RBMS1: variants seen among roughly 807,000 people sequenced by gnomAD.
The protein encoded by RBMS1 is RNA-binding motif, single-stranded-interacting protein 1.
A neutral mutation model predicts 62.3 loss-of-function variants in RBMS1; 17 were observed. The ratio of observed to expected loss-of-function variants is 0.27; its 90% confidence interval spans 0.19 to 0.41. The LOEUF is 0.41. Ranked by LOEUF, RBMS1 falls within the 10% of genes least tolerant of loss-of-function variation. The pLI is 1.00. For missense variants in RBMS1, 334 were observed against 504.5 expected, an observed-to-expected ratio of 0.66 and a Z score of 3.24; for synonymous variants, 172 against 170.0, an observed-to-expected ratio of 1.01 and a Z score of -0.09.
rs536294763 is a variant in RBMS1 at position 160,351,678 on chromosome 2, T to C, written c.251+15538A>G. Among the ~76,000 whole-genome samples, 5 of 152,278 alleles carry C rather than the reference T, an allele frequency of 3.3e-5. No individual in the cohort carries two copies. The East Asian group carries it at 7.7e-4, about 24-fold the overall frequency. The stretch of plus-strand genomic sequence containing the variant: ...TGTTTACTGACAGTCCAGGAAACTG[T>C]TGTGCATCCACTAATTTCTTTGCAG... On this transcript the variant is annotated intron_variant, in intron 2 of 13. Coordinates refer to ENST00000348849, the MANE Select transcript of RBMS1 (RefSeq NM_016836.4).
At chr2:160,431,119 T>A (rs1412549365) in intron 1 of RBMS1, among the ~76,000 whole-genome samples, 2 of 144,178 alleles carry the variant, frequency 1.4e-5, no homozygotes, top group Non-Finnish European at 3.1e-5. Flanking sequence ...TGGCCTGGGT[T>A]ACCTAGGCAA....
intron 1 of RBMS1, among the ~76,000 whole-genome samples, chr2:160,388,424 T>G (rs1380530469): frequency 2.0e-5 from 3 of 152,092 alleles, no homozygotes; most frequent in Non-Finnish European, 4.4e-5. Flanking sequence ...GGTGGTACGG[T>G]GAGGGGTAAA....
At chr2:160,303,613 AC>A (rs1689332121) in intron 4 of RBMS1, 126 bp from the exon 5 acceptor site, 1 of 997,098 alleles carries the variant, frequency 1.0e-6, no homozygotes. Context: ...ACCTCAGAAC[AC>A]CAAAGTCACC....
At chr2:160,294,238 TAAGAA>T (rs754537423) in intron 6 of RBMS1, among the ~76,000 whole-genome samples, 12 of 152,288 alleles carry the variant, frequency 7.9e-5, no homozygotes, top group Non-Finnish European at 1.3e-4. Context: ...ACATCTGCTA[TAAGAA>T]AAGATAAAGC....
intron 1 of RBMS1, among the ~76,000 whole-genome samples, chr2:160,372,580 T>C (rs986426116): frequency 6.6e-6 from 1 of 152,212 alleles, no homozygotes; most frequent in African/African-American, 2.4e-5. Flanking sequence ...CCAGTTCCTC[T>C]CTGTATGCTT....
intron 1 of RBMS1, among the ~76,000 whole-genome samples, chr2:160,438,341 AG>A (rs1683207200): frequency 6.7e-6 from 1 of 149,218 alleles, no homozygotes; most frequent in Non-Finnish European, 1.5e-5. Flanking sequence ...ACAATAGTGG[AG>A]GGAAGGTCAG....
chr2:160,473,050 G>T (rs1176732150), intron 1 of RBMS1, among the ~76,000 whole-genome samples: 1 of 152,180 alleles, frequency 6.6e-6, no homozygotes, highest in African/African-American at 2.4e-5. Context: ...ATTGTATAAG[G>T]TCTGTAAGTT....
intron 1 of RBMS1, among the ~76,000 whole-genome samples, chr2:160,391,021 C>T (rs1045782206): frequency 2.6e-5 from 4 of 151,820 alleles, no homozygotes; most frequent in Admixed American, 6.6e-5. Flanking sequence ...GGTCCAACAA[C>T]GTGCCCAGTT....
chr2:160,423,660 G>A (rs1171237403), intron 1 of RBMS1, among the ~76,000 whole-genome samples: 1 of 151,954 alleles, frequency 6.6e-6, no homozygotes, highest in African/African-American at 2.4e-5. Context: ...TCTTTTCCAC[G>A]TATGATCTCA....
At chr2:160,336,410 T>C (rs990809267) in intron 2 of RBMS1, among the ~76,000 whole-genome samples, 2 of 152,114 alleles carry the variant, frequency 1.3e-5, no homozygotes, top group African/African-American at 4.8e-5. Flanking sequence ...AACCCATGCC[T>C]CTAAGAAAGA....
At chr2:160,460,180 G>A (rs1449974856) in intron 1 of RBMS1, among the ~76,000 whole-genome samples, 1 of 152,136 alleles carries the variant, frequency 6.6e-6, no homozygotes, top group Non-Finnish European at 1.5e-5. Context: ...ACTTTGAAGA[G>A]GCATCTGCTT....
At chr2:160,390,681 C>T (rs1694814497) in intron 1 of RBMS1, among the ~76,000 whole-genome samples, 1 of 137,072 alleles carries the variant, frequency 7.3e-6, no homozygotes, top group Admixed American at 7.6e-5. Context: ...GGGCTGAGAC[C>T]CAGTCTCAAA....
chr2:160,370,432 A>G (rs1333002823), intron 1 of RBMS1, among the ~76,000 whole-genome samples: 8 of 152,214 alleles, frequency 5.3e-5, no homozygotes, highest in Non-Finnish European at 8.8e-5. Flanking sequence ...CAGGAGTTCG[A>G]GACCAGCCTG....
chr2:160,450,813 CCTTA>C (rs1248096180), intron 1 of RBMS1, among the ~76,000 whole-genome samples: 5 of 152,042 alleles, frequency 3.3e-5, no homozygotes, highest in Non-Finnish European at 5.9e-5. Context: ...GACTTAAATA[CCTTA>C]CTTAATACTG....
At position 160,312,832 on chromosome 2, in the gene RBMS1, A is replaced by C. The variant is rs1169022395; in HGVS notation, c.402+324T>G. On this transcript the variant is annotated intron_variant, in intron 4 of 13. Transcript: ENST00000348849. ...TTGACATTTAAATTTAAAAAAAAAA[A>C]AAACAGTACAGATCTTAAAGACTCA... 2.6e-5 allele frequency among the ~76,000 whole-genome samples: 4 copies of C among 152,194 alleles called. No individual in the cohort carries two copies. The East Asian group carries it at 7.7e-4, about 29-fold the overall frequency.
At chr2:160,292,566 G>A (rs1186394499) in intron 6 of RBMS1, among the ~76,000 whole-genome samples, 1 of 152,200 alleles carries the variant, frequency 6.6e-6, no homozygotes, top group Non-Finnish European at 1.5e-5. Context: ...ATGAAGAAAT[G>A]TTGAAGTTAT....
chr2:160,348,324 G>A (rs749034078), intron 2 of RBMS1, among the ~76,000 whole-genome samples: 4 of 152,004 alleles, frequency 2.6e-5, no homozygotes, highest in African/African-American at 7.2e-5. Flanking sequence ...GAATAAAAAT[G>A]ACATTTACCC....
intron 1 of RBMS1, among the ~76,000 whole-genome samples, chr2:160,423,692 A>G (rs574334958): frequency 7.0e-4 from 107 of 152,286 alleles, no homozygotes; most frequent in African/African-American, 2.5e-3. Context: ...CATTTCAGTA[A>G]TCACCAGTGA....
chr2:160,332,828 G>GTT (rs937246476), intron 2 of RBMS1, among the ~76,000 whole-genome samples: 3 of 149,884 alleles, frequency 2.0e-5, no homozygotes, highest in Admixed American at 6.7e-5. Context: ...ACATGACATG[G>GTT]TTTTATATAT....
Sources: allele counts gnomAD v4.1 joint callset (sites outside exome capture counted in the v4.1 genomes callset), GRCh38; gene constraint gnomAD v4.1.1; transcripts MANE v1.5; gene names NCBI Gene and HGNC (gene_info 2026-07-23, HGNC 2026-07-21).